The following USP36 variants were observed in gnomAD, a reference collection of about 807,000 sequenced individuals.
USP36 encodes ubiquitin carboxyl-terminal hydrolase 36.
USP36 carries 59 observed loss-of-function variants against 111.5 expected under a neutral mutation model. That is an observed-to-expected ratio of 0.53 (90% CI 0.43 to 0.66). The LOEUF (loss-of-function observed/expected upper bound fraction) is 0.66. Ranked by LOEUF, USP36 falls within the 30% of genes least tolerant of loss-of-function variation. The probability of loss-of-function intolerance (pLI) is 0.00; values close to 1 mark genes in which losing one functional copy is unlikely to be tolerated. For synonymous variants in USP36, 628 were observed against 581.0 expected (o/e 1.08, Z -1.16); for missense variants, 1,488 against 1,468.0 (o/e 1.01, Z -0.22).
intron 4 of USP36, among the ~76,000 whole-genome samples, chr17:78,833,197 T>C (rs1350019608): frequency 6.6e-6 from 1 of 152,162 alleles, no homozygotes; most frequent in African/African-American, 2.4e-5. Flanking sequence ...AACTATGCCT[T>C]GATAATTAAC....
intron 13 of USP36, 37 bp downstream of exon 13, chr17:78,812,823 G>T: frequency 6.2e-7 from 1 of 1,608,148 alleles, no homozygotes; most frequent in South Asian, 1.1e-5. Context: ...GGAGCACCAA[G>T]ACCAGCCACT....
At chr17:78,838,348 G>A (rs1214640134) in intron 2 of USP36, among the ~76,000 whole-genome samples, 1 of 144,046 alleles carries the variant, frequency 6.9e-6, no homozygotes, top group Non-Finnish European at 1.5e-5. Flanking sequence ...CTCCAGCCTG[G>A]GCAACAGAGC....
At chr17:78,791,358 T>G (rs1835883823), downstream of USP36, among the ~76,000 whole-genome samples, 1 of 151,914 alleles carries the variant, frequency 6.6e-6, no homozygotes, top group Non-Finnish European at 1.5e-5. Context: ...CCTCAGGTGA[T>G]CCGCCCCGCC....
chr17:78,841,192 A>G (rs1208385570), upstream of USP36: 1 of 152,208 alleles, frequency 6.6e-6, no homozygotes, highest in African/African-American at 2.4e-5. Context: ...GACTCGAGGG[A>G]CTTTGCCCAC....
intron 9 of USP36, 86 bp downstream of exon 9, chr17:78,819,844 A>C: frequency 7.2e-7 from 1 of 1,393,670 alleles, no homozygotes; most frequent in Non-Finnish European, 1.0e-6. Context: ...CCGCTAAGGA[A>C]GAGTGGGTGG....
chr17:78,825,336 G>C (rs1435623307), intron 6 of USP36, among the ~76,000 whole-genome samples: 2 of 152,108 alleles, frequency 1.3e-5, no homozygotes, highest in South Asian at 2.1e-4. Context: ...AGAAGCAAAA[G>C]ACAAAAAGGC....
At position 78,806,948 on chromosome 17, in the gene USP36, C is replaced by T. The variant is rs200900561; in HGVS notation, c.2085+11G>A. 6.2e-7 allele frequency: 1 copy of T among 1,613,184 alleles called. No individual in the cohort carries two copies. The highest frequency in any genetic ancestry group is 2.2e-5 in the East Asian group (1 of 44,876). ...TGATACACAGCAGCGGCGAGACCCC[C>T]ACACACCCACCTTCTTGGCAGAAAG... On this transcript the variant is annotated intron_variant, in intron 14 of 20. Coordinates refer to ENST00000449938, the MANE Select transcript of USP36 (RefSeq NM_001385174.1).
downstream of USP36, among the ~76,000 whole-genome samples, chr17:78,795,445 C>A (rs540153577): frequency 9.8e-5 from 15 of 152,302 alleles, 1 homozygote; most frequent in Admixed American, 9.1e-4. The surrounding 1 kb of genome is among the most constrained non-coding windows in gnomAD (Gnocchi z 4.5). Flanking sequence ...CACGGCAACC[C>A]GCCTGCGCCC....
Position 78,812,968 on chromosome 17 carries a change from G to A in USP36, c.1299C>T (p.Leu433=). Residue 433 remains leucine (L), a synonymous_variant, in exon 13 of 21, where the codon CTC becomes CTT. Transcript: ENST00000449938. ...IPGSKKSPEG[L]ISRTGSSSLP... is the part of the protein sequence containing the mutation. ...GGGAGGAGGAGCCTGTCCTGGAGAT[G>A]AGGCCCTCGGGACTTTTCTTAGAGC... 3 of 1,614,118 alleles carry A rather than the reference G, an allele frequency of 1.9e-6. No homozygotes were observed. The highest frequency in any genetic ancestry group is 2.5e-6 in the Non-Finnish European group (3 of 1,180,016).
At position 78,807,052 on chromosome 17, in the gene USP36, C is replaced by A; in HGVS notation, c.1992G>T (p.Lys664Asn). The A allele has an allele frequency of 1.2e-6, 2 of 1,614,226 alleles. No homozygotes were observed. Among genetic ancestry groups the A allele is most frequent in the South Asian group, 1.1e-5 (1 of 91,086 alleles). ...PPSGADSKTVKLKSPVLSNTT... is the reference protein window; with the variant it reads ...PPSGADSKTVNLKSPVLSNTT... ...TGTTGCTCAGGACAGGGGACTTCAG[C>A]TTCACCGTCTTAGAATCTGCTCCAC... The change falls in exon 14 of 21, where the codon AAG (lysine) becomes AAT (asparagine). Residue 664 changes from lysine to asparagine, a missense_variant. Transcript: ENST00000449938.
At chr17:78,801,108 C>T (rs1003169317) in intron 17 of USP36, among the ~76,000 whole-genome samples, 2 of 151,704 alleles carry the variant, frequency 1.3e-5, no homozygotes, top group Non-Finnish European at 2.9e-5. Context: ...TCCCGAGTAG[C>T]TGGGACTAGA....
At chr17:78,795,377 G>A (rs867449890), downstream of USP36, among the ~76,000 whole-genome samples, 7 of 152,332 alleles carry the variant, frequency 4.6e-5, no homozygotes, top group Middle Eastern at 6.8e-3. The surrounding 1 kb of genome is among the most constrained non-coding windows in gnomAD (Gnocchi z 4.5). Context: ...AGGGAGATGC[G>A]GGGAGCCACA....
intron 3 of USP36, among the ~76,000 whole-genome samples, chr17:78,789,458 G>A (rs1049451269): frequency 6.6e-6 from 1 of 152,070 alleles, no homozygotes; most frequent in Non-Finnish European, 1.5e-5. Context: ...GCTCTGCCAG[G>A]GAGCAAGCCT....
At position 78,835,516 on chromosome 17, in the gene USP36, G is replaced by C; in HGVS notation, c.254-15C>G. 1 of 1,575,836 alleles carries C rather than the reference G, an allele frequency of 6.3e-7. No individual in the cohort carries two copies. Among genetic ancestry groups the C allele is most frequent in the Middle Eastern group, 1.7e-4 (1 of 6,018 alleles). On this transcript the variant is annotated splice_polypyrimidine_tract_variant and intron_variant, in intron 3 of 20. Transcript: ENST00000449938. ...GTGCTCACTGCCTGAGGAAGAAAGG[G>C]ACAAGGGAAGAAAAGAGGAAGACGT...
intron 13 of USP36, among the ~76,000 whole-genome samples, chr17:78,811,118 G>A (rs763530817): frequency 5.6e-5 from 7 of 125,074 alleles, no homozygotes; most frequent in Admixed American, 3.8e-4. Context: ...GTGACAGAGC[G>A]AGACTCTGTC....
chr17:78,835,801 T>C (rs1317598006), intron 3 of USP36, among the ~76,000 whole-genome samples: 1 of 152,152 alleles, frequency 6.6e-6, no homozygotes, highest in African/African-American at 2.4e-5. Context: ...CACCACACTG[T>C]GCCCACATGC....
intron 4 of USP36, among the ~76,000 whole-genome samples, 176 bp downstream of exon 4, chr17:78,835,104 C>T (rs549191656): frequency 6.6e-6 from 1 of 152,014 alleles, no homozygotes; most frequent in Non-Finnish European, 1.5e-5. Context: ...GACCGATTCA[C>T]CTTCATGGCC....
At chr17:78,795,332 C>T (rs918242350), downstream of USP36, among the ~76,000 whole-genome samples, 3 of 152,166 alleles carry the variant, frequency 2.0e-5, no homozygotes, top group African/African-American at 7.2e-5. The surrounding 1 kb of genome is among the most constrained non-coding windows in gnomAD (Gnocchi z 4.5). Context: ...TGGTGGATAC[C>T]GTGGGGTGGA....
chr17:78,840,973 C>T (rs527541476), upstream of USP36: 1 of 152,426 alleles, frequency 6.6e-6, no homozygotes, highest in East Asian at 1.9e-4. Flanking sequence ...TCCGTGTCGC[C>T]TACGTCACCT....
Sources: allele counts gnomAD v4.1 joint callset (sites outside exome capture counted in the v4.1 genomes callset), GRCh38; gene constraint gnomAD v4.1.1; non-coding constraint Gnocchi (gnomAD v3.1); transcripts MANE v1.5; gene names NCBI Gene and HGNC (gene_info 2026-07-23, HGNC 2026-07-21).